SRP54: variants seen among roughly 807,000 people sequenced by gnomAD.
The protein encoded by SRP54 is signal recognition particle subunit SRP54.
A neutral mutation model predicts 64.8 loss-of-function variants in SRP54; 10 were observed. The ratio of observed to expected loss-of-function variants is 0.15; its 90% CI spans 0.10 to 0.26. The LOEUF (loss-of-function observed/expected upper bound fraction) is 0.26, where lower values mean the gene tolerates loss of function less well. Ranked by LOEUF, SRP54 falls within the 10% of genes least tolerant of loss-of-function variation. The probability of loss-of-function intolerance (pLI) is 1.00; values close to 1 mark genes in which losing one functional copy is unlikely to be tolerated. For missense variants in SRP54, 325 were observed against 613.7 expected (o/e 0.53, Z 4.97); for synonymous variants, 193 against 185.6 (o/e 1.04, Z -0.32).
At position 35,019,042 on chromosome 14, in the gene SRP54, T is replaced by C. The variant is rs1356180792; in HGVS notation, c.1124T>C (p.Leu375Ser). The change falls in exon 13 of 16, where the codon TTA becomes TCA. Residue 375 changes from leucine to serine, a missense_variant. Physicochemically the swap from Leu to Ser is moderately radical, Grantham distance 145 (BLOSUM62 -2). Coordinates refer to ENST00000216774, the MANE Select transcript of SRP54 (RefSeq NM_003136.4). ...GAGTCAATGGCAAGGCTAAAGAAATTAATGACAATAATGGATAGTATGAAT... is the reference window on the plus strand; with the variant it reads ...GAGTCAATGGCAAGGCTAAAGAAATCAATGACAATAATGGATAGTATGAAT... ...EQESMARLKKLMTIMDSMNDQ... is the reference protein window; with the variant it reads ...EQESMARLKKSMTIMDSMNDQ... 6.2e-7 allele frequency: 1 copy of C among 1,613,094 alleles called. No homozygotes were observed. Among genetic ancestry groups the C allele is most frequent in the African/African-American group, 1.3e-5 (1 of 74,900 alleles).
At chr14:34,983,460 G>T (rs545246000) in intron 1 of SRP54, among the ~76,000 whole-genome samples, 9 of 152,246 alleles carry the variant, frequency 5.9e-5, no homozygotes, top group Non-Finnish European at 1.3e-4. Context: ...GCAGTTGCAG[G>T]CCTGAGTCTT....
Position 35,007,489 on chromosome 14 carries a change from T to G in SRP54, c.360+102T>G, listed in dbSNP as rs181837583. On this transcript the variant is annotated intron_variant, in intron 5 of 15. Transcript: ENST00000216774. Reference sequence around the variant, plus strand: ...AATGTAAAGCCTGGCTTTATAATGTTGAAATATATATTTTATTAATTATAA... The same window carrying G: ...AATGTAAAGCCTGGCTTTATAATGTGGAAATATATATTTTATTAATTATAA... The G allele has an allele frequency of 3.4e-3, 1,212 of 354,522 alleles. 40 individuals carry two copies. In the Admixed American group the frequency reaches 0.052, roughly 15 times the overall value. 22.0% of individuals were successfully genotyped at this position (354,522 alleles called of 1,614,324 possible).
chr14:35,020,610 C>G (rs1407664734), intron 13 of SRP54, among the ~76,000 whole-genome samples: 2 of 152,060 alleles, frequency 1.3e-5, no homozygotes, highest in Non-Finnish European at 2.9e-5. Context: ...TCTCTTTTTC[C>G]TGAGCTCCAG....
chr14:34,996,835 G>A, intron 2 of SRP54, 48 bp downstream of exon 2: 1 of 1,296,940 alleles, frequency 7.7e-7, no homozygotes, highest in Non-Finnish European at 1.1e-6. Context: ...ATTGTCACTA[G>A]CATTGGGAAG....
chr14:35,011,261 A>T (rs1225348667), intron 7 of SRP54, among the ~76,000 whole-genome samples: 1 of 152,244 alleles, frequency 6.6e-6, no homozygotes, highest in Admixed American at 6.5e-5. Flanking sequence ...AATTTGAAGG[A>T]GACACAATTC....
chr14:34,999,698 A>G (rs2044140056), intron 3 of SRP54, 49 bp downstream of exon 3: 3 of 1,356,074 alleles, frequency 2.2e-6, no homozygotes, highest in Non-Finnish European at 3.2e-6. Context: ...AGTTTAGTTT[A>G]CTGGAAAGAG....
At chr14:35,013,595 T>C in intron 9 of SRP54, 101 bp downstream of exon 9, 1 of 1,332,670 alleles carries the variant, frequency 7.5e-7, no homozygotes. Context: ...GTTTCAATAG[T>C]GAGCCTAATA....
Position 35,005,238 on chromosome 14 carries a change from T to TG in SRP54, c.256-2043dup, listed in dbSNP as rs567566612. 3.9e-5 allele frequency among the ~76,000 whole-genome samples: 6 copies of TG among 152,250 alleles called. No individual in the cohort carries two copies. In the South Asian group the frequency reaches 1.2e-3, roughly 32 times the overall value. ...GTTCCAGCTACTCAGGAGGCTGAGA[T>TG]GGTAGGATCGCTTGAGTCCAAGAGT... On this transcript the variant is annotated intron_variant, in intron 4 of 15. Transcript: ENST00000216774.
At chr14:34,998,997 G>T (rs57354137) in intron 2 of SRP54, among the ~76,000 whole-genome samples, 10,430 of 93,904 alleles carry the variant, frequency 0.11, 1,410 homozygotes, top group East Asian at 0.28. Flanking sequence ...GTGTGTGTGT[G>T]TGTGTGTGTG....
chr14:34,996,746 G>A lies in SRP54; in HGVS notation c.37G>A (p.Ala13Thr). The change falls in exon 2 of 16, where the codon GCA (alanine) becomes ACA (threonine). Residue 13 changes from alanine (A) to threonine (T), a missense_variant. Physicochemically the swap from Ala to Thr is moderately conservative, Grantham distance 58. This residue lies in a region of SRP54 where 156 missense variants were observed against 254.6 expected (regional missense o/e 0.61). Coordinates refer to ENST00000216774, the MANE Select transcript of SRP54 (RefSeq NM_003136.4). ...LADLGRKITS[A>T]LRSLSNATII... ...AGACCTTGGAAGAAAAATAACATCAGCATTACGCTCGTTGAGCAATGCCAC... is the reference window on the plus strand; with the variant it reads ...AGACCTTGGAAGAAAAATAACATCAACATTACGCTCGTTGAGCAATGCCAC... 6.2e-7 allele frequency: 1 copy of A among 1,613,518 alleles called. No homozygotes were observed. The highest frequency in any genetic ancestry group is 8.5e-7 in the Non-Finnish European group (1 of 1,179,596).
chr14:34,999,159 C>G (rs2044131939), intron 2 of SRP54, among the ~76,000 whole-genome samples: 1 of 151,584 alleles, frequency 6.6e-6, no homozygotes, highest in Non-Finnish European at 1.5e-5. Flanking sequence ...GGATCACAGG[C>G]ACGTGCCACC....
intron 5 of SRP54, 92 bp from the exon 6 acceptor site, chr14:35,008,535 C>T: frequency 1.3e-6 from 1 of 799,986 alleles, no homozygotes; most frequent in Non-Finnish European, 1.8e-6. Context: ...TTATTTTACT[C>T]CTTAGGTAAA....
At chr14:35,024,062 C>G (rs373514664) in intron 14 of SRP54, among the ~76,000 whole-genome samples, 2 of 152,136 alleles carry the variant, frequency 1.3e-5, no homozygotes, top group African/African-American at 4.8e-5. Context: ...GAGTCTCTCT[C>G]TGTCACCCAG....
intron 13 of SRP54, among the ~76,000 whole-genome samples, chr14:35,022,381 G>C (rs2044545943): frequency 6.6e-6 from 1 of 151,118 alleles, no homozygotes; most frequent in Non-Finnish European, 1.5e-5. Flanking sequence ...TTTTGAGATG[G>C]AGTCTCGCTC....
chr14:35,024,130 C>T (rs950654829), intron 14 of SRP54, among the ~76,000 whole-genome samples: 1 of 152,114 alleles, frequency 6.6e-6, no homozygotes, highest in African/African-American at 2.4e-5. Context: ...CAGGCTCAAA[C>T]AATTCTCCTG....
intron 7 of SRP54, 146 bp downstream of exon 7, chr14:35,008,977 C>T (rs1373438370): frequency 1.7e-5 from 10 of 597,628 alleles, no homozygotes; most frequent in Admixed American, 3.3e-5. Context: ...ACCACCACCT[C>T]CTGGGTTCAA....
At chr14:35,009,918 G>A (rs1474991165) in intron 7 of SRP54, among the ~76,000 whole-genome samples, 2 of 152,098 alleles carry the variant, frequency 1.3e-5, no homozygotes, top group Non-Finnish European at 2.9e-5. Context: ...GGGAGGCTGA[G>A]GCGGGCGGAT....
chr14:34,985,259 C>T (rs1008670341), intron 1 of SRP54, among the ~76,000 whole-genome samples: 2 of 152,130 alleles, frequency 1.3e-5, no homozygotes, highest in African/African-American at 4.8e-5. Flanking sequence ...ATGTACACAT[C>T]CTTCATAAAA....
intron 7 of SRP54, among the ~76,000 whole-genome samples, chr14:35,010,987 A>C (rs1451555393): frequency 6.6e-6 from 1 of 152,136 alleles, no homozygotes. Flanking sequence ...GTGCAGTTGC[A>C]TGATCATAAG....
Sources: allele counts gnomAD v4.1 joint callset (sites outside exome capture counted in the v4.1 genomes callset), GRCh38; gene constraint gnomAD v4.1.1; regional missense constraint gnomAD v4.1.1; transcripts MANE v1.5; gene names NCBI Gene and HGNC (gene_info 2026-07-23, HGNC 2026-07-21).